VWC2: variants seen among roughly 807,000 people sequenced by gnomAD.
VWC2 encodes the protein brorin.
Under a neutral mutation model 29.8 loss-of-function variants are expected in VWC2, and 14 were observed. The ratio of observed to expected loss-of-function variants is 0.47; its 90% CI spans 0.31 to 0.74. The LOEUF is 0.74. VWC2 is among the 30% of genes least tolerant of loss of function. The pLI is 0.05. For missense variants in VWC2, 457 were observed against 459.8 expected (o/e 0.99, Z 0.05); for synonymous variants, 213 against 199.0 (o/e 1.07, Z -0.59).
At chr7:49,906,835 T>C (rs557769175) in intron 3 of VWC2, among the ~76,000 whole-genome samples, 1 of 152,286 alleles carries the variant, frequency 6.6e-6, no homozygotes, top group East Asian at 1.9e-4. Context: ...TTTTAACACT[T>C]GATGTTTTCG....
intron 3 of VWC2, among the ~76,000 whole-genome samples, chr7:49,864,865 T>G (rs1047142525): frequency 6.6e-6 from 1 of 152,230 alleles, no homozygotes; most frequent in Admixed American, 6.5e-5. Flanking sequence ...ATTTTTAAGT[T>G]GCCTTGTTCG....
At chr7:49,857,822 G>C (rs1790485585) in intron 3 of VWC2, among the ~76,000 whole-genome samples, 1 of 152,126 alleles carries the variant, frequency 6.6e-6, no homozygotes, top group Admixed American at 6.6e-5. Context: ...AAGTGAATCA[G>C]AGCTTCAATT....
chr7:49,805,508 G>A (rs890943477), intron 3 of VWC2, among the ~76,000 whole-genome samples: 2 of 152,146 alleles, frequency 1.3e-5, no homozygotes, highest in Non-Finnish European at 2.9e-5. Context: ...GCTTTCAGCT[G>A]TCTCTAGTTA....
Position 49,898,539 on chromosome 7 carries a change from A to G in VWC2, c.827-13495A>G, listed in dbSNP as rs186754051. On this transcript the variant is annotated intron_variant, in intron 3 of 3. Coordinates refer to ENST00000340652, the MANE Select transcript of VWC2 (RefSeq NM_198570.5). ...TTAATTCTGCAGGCTACAAAATTCT[A>G]GAGTGGTGATTTTTTCTTACAACAC... Among the ~76,000 whole-genome samples, 27 of 152,196 alleles carry G rather than the reference A, an allele frequency of 1.8e-4. No individual in the cohort carries two copies. In the East Asian group the frequency reaches 5.2e-3, roughly 29 times the overall value.
At chr7:49,882,686 C>T (rs540748973) in intron 3 of VWC2, among the ~76,000 whole-genome samples, 51 of 152,186 alleles carry the variant, frequency 3.4e-4, no homozygotes, top group African/African-American at 1.2e-3. Flanking sequence ...GGCTTCTGCA[C>T]CTCTGGGTGT....
At chr7:49,859,790 G>GCACACA (rs57768700) in intron 3 of VWC2, among the ~76,000 whole-genome samples, 4 of 12,022 alleles carry the variant, frequency 3.3e-4, no homozygotes, top group South Asian at 2.2e-3. Context: ...GCGCGTGCGT[G>GCACACA]CACACACACA....
chr7:49,864,319 G>T (rs1455096858), intron 3 of VWC2, among the ~76,000 whole-genome samples: 1 of 152,180 alleles, frequency 6.6e-6, no homozygotes, highest in Non-Finnish European at 1.5e-5. Flanking sequence ...GAATTGTTCT[G>T]TGCTTGGACC....
chr7:49,835,077 G>A lies in VWC2; in HGVS notation c.826+32237G>A, dbSNP rs535771154. ...GTTCTTAAAGGCAAATGGGGACAAA[G>A]AGTGCCCTGATACAAAGTTGTTTGC... is the stretch of plus-strand genomic sequence containing the variant. On this transcript the variant is annotated intron_variant, in intron 3 of 3. Coordinates refer to ENST00000340652, the MANE Select transcript of VWC2 (RefSeq NM_198570.5). Among the ~76,000 whole-genome samples, 280 of 152,342 alleles carry A rather than the reference G, an allele frequency of 1.8e-3. 2 individuals are homozygous for A. Among genetic ancestry groups the A allele is most frequent in the Non-Finnish European group, 3.2e-3 (220 of 68,016 alleles).
intron 2 of VWC2, among the ~76,000 whole-genome samples, chr7:49,780,638 G>A (rs1013059993): frequency 3.3e-5 from 5 of 152,204 alleles, no homozygotes; most frequent in Non-Finnish European, 5.9e-5. Context: ...TATCAGCAAA[G>A]TGTGTCAACA....
chr7:49,904,679 C>T lies in VWC2; in HGVS notation c.827-7355C>T, dbSNP rs539931153. The stretch of plus-strand genomic sequence containing the variant: ...AACTTACCTATTACAAGAGCAGTAA[C>T]TTTACATCATAACTAAATATTTGAA... On this transcript the variant is annotated intron_variant, in intron 3 of 3. Transcript: ENST00000340652. Among the ~76,000 whole-genome samples the T allele has an allele frequency of 1.7e-4, 26 of 151,664 alleles. No individual in the cohort carries two copies. In the South Asian group the frequency reaches 5.0e-3, roughly 29 times the overall value.
At chr7:49,783,428 G>T (rs1034306015) in intron 2 of VWC2, among the ~76,000 whole-genome samples, 1 of 152,124 alleles carries the variant, frequency 6.6e-6, no homozygotes, top group African/African-American at 2.4e-5. Context: ...ATGTTCTAGG[G>T]AAAAGAAAAG....
chr7:49,877,946 G>A (rs1784797466), intron 3 of VWC2, among the ~76,000 whole-genome samples: 1 of 151,950 alleles, frequency 6.6e-6, no homozygotes, highest in South Asian at 2.1e-4. Context: ...TGTCATTTTG[G>A]GGTTTAGTGC....
chr7:49,814,426 G>T (rs1789086499), intron 3 of VWC2, among the ~76,000 whole-genome samples: 1 of 152,070 alleles, frequency 6.6e-6, no homozygotes, highest in Non-Finnish European at 1.5e-5. Flanking sequence ...AATTTAATTT[G>T]TTTTTTATCT....
chr7:49,775,530 C>A lies in VWC2; in HGVS notation c.95C>A (p.Pro32Gln). 6.3e-7 allele frequency: 1 copy of A among 1,574,802 alleles called. No individual in the cohort carries two copies. Among genetic ancestry groups the A allele is most frequent in the Non-Finnish European group, 8.6e-7 (1 of 1,164,574 alleles). ...GTGGCTCTGTGCAGTCCGAGCATCC[C>A]GCTGGAGAAGCTGGCCCAGGCACCA... ...LMVALCSPSI[P>Q]LEKLAQAPEQ... Residue 32 changes from proline (P) to glutamine (Q), a missense_variant, in exon 2 of 4, where the codon CCG (proline) becomes CAG (glutamine). Pro to Gln is a moderately conservative substitution (Grantham distance 76, BLOSUM62 -1). Transcript: ENST00000340652.
chr7:49,775,610 G>A lies in VWC2; in HGVS notation c.175G>A (p.Val59Met), dbSNP rs1226846096. The change falls in exon 2 of 4, where the codon GTG becomes ATG. Residue 59 changes from valine to methionine, a missense_variant. Transcript: ENST00000340652. ...CGCCTCTCGGGACGGCCCGGGGCGG[G>A]TGAACGAGCTCGGGCGCCCGGCGAG... ...EHASRDGPGR[V>M]NELGRPARDE... 6.5e-7 allele frequency: 1 copy of A among 1,533,274 alleles called. No individual in the cohort carries two copies. The highest frequency in any genetic ancestry group is 1.2e-5 in the South Asian group (1 of 82,696). The allele number at this position is 1,533,274 out of a possible 1,614,324, so 95.0% of individuals were successfully genotyped here. A position where few individuals can be genotyped will look rare whatever the true frequency, so the allele number is the denominator to read the frequency against.
At chr7:49,850,859 T>C (rs1790147794) in intron 3 of VWC2, among the ~76,000 whole-genome samples, 1 of 152,178 alleles carries the variant, frequency 6.6e-6, no homozygotes, top group Admixed American at 6.5e-5. Context: ...GTGCTGGCCA[T>C]AGTGGACACC....
In VWC2 at chr7:49,842,399, T is replaced by G. The variant is rs556640498; in HGVS notation, c.826+39559T>G. Reference sequence around the variant, plus strand: ...CATTTTAATTTTATTTTATTTTTAATTGGATGCCTTTAGGTATGATAGTTT... The same window carrying G: ...CATTTTAATTTTATTTTATTTTTAAGTGGATGCCTTTAGGTATGATAGTTT... On this transcript the variant is annotated intron_variant, in intron 3 of 3. Transcript: ENST00000340652. 3.3e-5 allele frequency among the ~76,000 whole-genome samples: 5 copies of G among 152,304 alleles called. No homozygotes were observed. The South Asian group carries it at 1.0e-3, about 32-fold the overall frequency.
At chr7:49,790,012 G>T (rs1326733435) in intron 2 of VWC2, among the ~76,000 whole-genome samples, 1 of 152,190 alleles carries the variant, frequency 6.6e-6, no homozygotes, top group Admixed American at 6.5e-5. Context: ...AGGCAAGCTG[G>T]CAGATTCCAG....
At chr7:49,781,989 A>T (rs570051328) in intron 2 of VWC2, among the ~76,000 whole-genome samples, 1 of 152,318 alleles carries the variant, frequency 6.6e-6, no homozygotes, top group Admixed American at 6.5e-5. Flanking sequence ...TATCAGACCC[A>T]TGTGGGGCAA....
Sources: gnomAD v4.1 joint callset for allele counts (sites outside exome capture counted in the v4.1 genomes callset) on GRCh38, gnomAD v4.1.1 for gene constraint, MANE v1.5 for transcripts, NCBI Gene and HGNC (gene_info 2026-07-23, HGNC 2026-07-21) for gene names.